The following SNTG2 variants were observed in gnomAD, a reference collection of about 807,000 sequenced individuals.
SNTG2 encodes the protein syntrophin gamma 2, also known as gamma-2-syntrophin.
A neutral mutation model predicts 70.9 loss-of-function variants in SNTG2; 74 were observed. That is an observed-to-expected ratio of 1.04 (90% CI 0.86 to 1.27). The LOEUF is 1.27. SNTG2 is among the 50% of genes most tolerant of loss of function. The probability of loss-of-function intolerance (pLI) is 0.00; values close to 1 mark genes in which losing one functional copy is unlikely to be tolerated. For synonymous variants in SNTG2, 278 were observed against 273.8 expected, an observed-to-expected ratio of 1.02 and a Z score of -0.15; for missense variants, 717 against 690.7, an observed-to-expected ratio of 1.04 and a Z score of -0.43.
At chr2:1,255,908 ATATATAT>A (rs1678077305) in intron 12 of SNTG2, among the ~76,000 whole-genome samples, 1 of 122,460 alleles carries the variant, frequency 8.2e-6, no homozygotes. Context: ...ATATATATAA[ATATATAT>A]ATAAATATAT....
chr2:1,221,219 T>TCTCTGAGTCTGTCTCTGCCTCTGC (rs1477588249), intron 9 of SNTG2, among the ~76,000 whole-genome samples: 24 of 148,802 alleles, frequency 1.6e-4, no homozygotes, highest in Admixed American at 1.6e-3. Flanking sequence ...TGCTCCTCTG[T>TCTCTGAGTCTGTCTCTGCCTCTGC]CTCTGAGTCT....
At chr2:1,088,177 A>G (rs1664798612) in intron 2 of SNTG2, among the ~76,000 whole-genome samples, 1 of 152,248 alleles carries the variant, frequency 6.6e-6, no homozygotes, top group Non-Finnish European at 1.5e-5. Flanking sequence ...GTAATTTAAT[A>G]GGAACCCTTT....
chr2:1,267,852 C>G (rs577050141), intron 14 of SNTG2, among the ~76,000 whole-genome samples: 7 of 152,162 alleles, frequency 4.6e-5, no homozygotes, highest in Non-Finnish European at 1.0e-4. Flanking sequence ...GGGACTCCAC[C>G]GATGTGGCGC....
At chr2:1,206,227 G>A (rs547425909) in intron 8 of SNTG2, among the ~76,000 whole-genome samples, 3 of 152,312 alleles carry the variant, frequency 2.0e-5, no homozygotes, top group Admixed American at 6.5e-5. Flanking sequence ...CCCTCAGAGT[G>A]GGGTTTGCTC....
intron 6 of SNTG2, among the ~76,000 whole-genome samples, chr2:1,149,931 A>G (rs1056770139): frequency 1.3e-5 from 2 of 151,578 alleles, no homozygotes; most frequent in Admixed American, 6.6e-5. Context: ...CTTGTGATCC[A>G]CCCGCCTCGG....
intron 4 of SNTG2, among the ~76,000 whole-genome samples, chr2:1,118,041 C>A (rs374795556): frequency 6.6e-6 from 1 of 152,156 alleles, no homozygotes; most frequent in Non-Finnish European, 1.5e-5. Context: ...CCTGGCCCCC[C>A]AGGTCTGAAC....
chr2:1,256,674 C>G (rs1020812313), intron 12 of SNTG2: 8 of 152,006 alleles, frequency 5.3e-5, no homozygotes, highest in Admixed American at 3.9e-4. Context: ...TGCACTTTCA[C>G]TAAATTAGAG....
At chr2:1,206,879 T>C (rs72768841) in intron 8 of SNTG2, among the ~76,000 whole-genome samples, 7,613 of 152,308 alleles carry the variant, frequency 0.05, 297 homozygotes, top group East Asian at 0.21. Flanking sequence ...TATGCAATTT[T>C]AAGTGGTGGT....
chr2:1,229,711 G>A (rs1279364935), intron 9 of SNTG2, among the ~76,000 whole-genome samples: 1 of 152,240 alleles, frequency 6.6e-6, no homozygotes, highest in Non-Finnish European at 1.5e-5. Flanking sequence ...GGAGGCTCAG[G>A]CGTGGCGGGC....
chr2:1,169,383 G>A (rs928135842), intron 7 of SNTG2, among the ~76,000 whole-genome samples: 5 of 152,110 alleles, frequency 3.3e-5, no homozygotes, highest in Non-Finnish European at 5.9e-5. Context: ...CGAGTGAGAT[G>A]GGTGCTGCGT....
intron 8 of SNTG2, among the ~76,000 whole-genome samples, chr2:1,180,777 A>G (rs1671828797): frequency 6.6e-6 from 1 of 151,916 alleles, no homozygotes. Flanking sequence ...ACGTATGTTT[A>G]TTGTGGCACT....
At chr2:1,020,390 C>T (rs1312327198) in intron 1 of SNTG2, among the ~76,000 whole-genome samples, 1 of 152,200 alleles carries the variant, frequency 6.6e-6, no homozygotes, top group Non-Finnish European at 1.5e-5. Flanking sequence ...GTGAGGGAAC[C>T]ACTTACAACC....
At chr2:1,230,359 C>G (rs1048426389) in intron 9 of SNTG2, among the ~76,000 whole-genome samples, 1 of 152,150 alleles carries the variant, frequency 6.6e-6, no homozygotes, top group East Asian at 1.9e-4. Context: ...GTCTGGGGGC[C>G]GGGACTCAGG....
At chr2:1,003,152 T>C (rs1659461103) in intron 1 of SNTG2, among the ~76,000 whole-genome samples, 1 of 152,100 alleles carries the variant, frequency 6.6e-6, no homozygotes, top group Admixed American at 6.6e-5. Context: ...ATGTAAACTC[T>C]CTGGCTGATA....
intron 4 of SNTG2, among the ~76,000 whole-genome samples, chr2:1,134,176 G>A (rs975564738): frequency 3.3e-5 from 5 of 152,140 alleles, no homozygotes; most frequent in African/African-American, 7.2e-5. Context: ...TAAAGGCAGC[G>A]TGGACCCAAA....
chr2:987,559 C>A (rs376035649), intron 1 of SNTG2, among the ~76,000 whole-genome samples: 1 of 152,126 alleles, frequency 6.6e-6, no homozygotes, highest in East Asian at 1.9e-4. Flanking sequence ...GCGTCTCTAG[C>A]GGCTGGAGAA....
chr2:1,228,428 C>T (rs893379498), intron 9 of SNTG2, among the ~76,000 whole-genome samples: 5 of 152,184 alleles, frequency 3.3e-5, no homozygotes, highest in African/African-American at 1.2e-4. Context: ...CCTGGGAGAC[C>T]CTCAACTTCC....
chr2:1,027,091 C>G (rs1660519731), intron 1 of SNTG2, among the ~76,000 whole-genome samples: 2 of 152,200 alleles, frequency 1.3e-5, no homozygotes, highest in Non-Finnish European at 2.9e-5. Flanking sequence ...TCCCGTGACT[C>G]TTTTCCATGT....
chr2:1,168,449 C>G (rs1462700597), intron 7 of SNTG2, among the ~76,000 whole-genome samples: 2 of 152,206 alleles, frequency 1.3e-5, no homozygotes, highest in African/African-American at 4.8e-5. Context: ...CTCTATGGCA[C>G]CCCCGCCAGA....
Sources: allele counts gnomAD v4.1 joint callset (sites outside exome capture counted in the v4.1 genomes callset), GRCh38; gene constraint gnomAD v4.1.1; transcripts MANE v1.5; gene names NCBI Gene and HGNC (gene_info 2026-07-23, HGNC 2026-07-21).